CNIH3: variants seen among roughly 807,000 people sequenced by gnomAD.
The protein encoded by CNIH3 is protein cornichon homolog 3.
Under a neutral mutation model 24.1 loss-of-function variants are expected in CNIH3, and 14 were observed. The ratio of observed to expected loss-of-function variants is 0.58; its 90% CI spans 0.38 to 0.91. The LOEUF is 0.91. CNIH3 is among the 40% of genes least tolerant of loss of function. The pLI is 0.00. For missense variants in CNIH3, 178 were observed against 196.8 expected (o/e 0.90, Z 0.57); for synonymous variants, 68 against 73.8 (o/e 0.92, Z 0.40).
chr1:224,517,829 G>A (rs1379590795), intron 1 of CNIH3, among the ~76,000 whole-genome samples: 4 of 152,078 alleles, frequency 2.6e-5, no homozygotes, highest in Non-Finnish European at 5.9e-5. Context: ...TTTTATTTCT[G>A]AGCAAATCTT....
At chr1:224,727,533 T>C (rs1186927448) in intron 3 of CNIH3, among the ~76,000 whole-genome samples, 1 of 152,142 alleles carries the variant, frequency 6.6e-6, no homozygotes, top group Admixed American at 6.6e-5. Context: ...CCACAGCCCA[T>C]CAGCAGCCCC....
chr1:224,543,223 T>G (rs1297555786), intron 2 of CNIH3, among the ~76,000 whole-genome samples: 4 of 152,136 alleles, frequency 2.6e-5, no homozygotes, highest in Non-Finnish European at 4.4e-5. Context: ...TCCTGGTTGG[T>G]GCTGGGAGGG....
At chr1:224,475,133 C>T (rs1476419084) in intron 1 of CNIH3, among the ~76,000 whole-genome samples, 13 of 147,366 alleles carry the variant, frequency 8.8e-5, no homozygotes, top group Non-Finnish European at 1.5e-4. Flanking sequence ...TAGAGGCGGG[C>T]GGATCACGGT....
intron 2 of CNIH3, among the ~76,000 whole-genome samples, chr1:224,530,454 A>T (rs994557587): frequency 6.6e-6 from 1 of 152,168 alleles, no homozygotes; most frequent in African/African-American, 2.4e-5. Context: ...TTTCATGCAC[A>T]GCATTACATT....
chr1:224,547,809 C>T (rs1679760763), intron 3 of CNIH3, among the ~76,000 whole-genome samples: 1 of 151,858 alleles, frequency 6.6e-6, no homozygotes, highest in Admixed American at 6.6e-5. Flanking sequence ...CAGTGGTGTA[C>T]ATCCTGTGAC....
chr1:224,526,548 CTTTA>C (rs1278237832), intron 2 of CNIH3, among the ~76,000 whole-genome samples: 1 of 152,120 alleles, frequency 6.6e-6, no homozygotes, highest in Non-Finnish European at 1.5e-5. Context: ...AGCAGATTCA[CTTTA>C]TTTATTTATT....
At chr1:224,467,627 T>C (rs188569077) in intron 1 of CNIH3, among the ~76,000 whole-genome samples, 1 of 152,214 alleles carries the variant, frequency 6.6e-6, no homozygotes, top group African/African-American at 2.4e-5. Flanking sequence ...TTTCACCATA[T>C]TGGCCAGGCT....
chr1:224,739,344 A>G lies in CNIH3; in HGVS notation c.471A>G (p.Leu157=). 1.0e-6 allele frequency: 1 copy of G among 993,558 alleles called. No individual in the cohort carries two copies. Among genetic ancestry groups the G allele is most frequent in the Non-Finnish European group, 1.4e-6 (1 of 697,758 alleles). The allele number at this position is 993,558 out of a possible 1,614,324, so 61.5% of individuals were successfully genotyped here. A position where few individuals can be genotyped will look rare whatever the true frequency, so the allele number is the denominator to read the frequency against. The change falls in exon 6 of 6, where the codon TTA becomes TTG. Residue 157 remains leucine, a synonymous_variant. Coordinates refer to ENST00000272133, the MANE Select transcript of CNIH3 (RefSeq NM_152495.2). ...TTGCATTCAGCATGATCTACACTTTAGTGAGCTCTTAACGCAAAGACCATG... is the reference window on the plus strand; with the variant it reads ...TTGCATTCAGCATGATCTACACTTTGGTGAGCTCTTAACGCAAAGACCATG... ...FYYLYCMIYT[L]VSS
intron 1 of CNIH3, among the ~76,000 whole-genome samples, chr1:224,664,009 G>A (rs893545888): frequency 2.6e-5 from 4 of 152,192 alleles, no homozygotes; most frequent in African/African-American, 2.4e-5. Flanking sequence ...GCCAATTACC[G>A]AGACAATGAA....
At position 224,564,686 on chromosome 1, in the gene CNIH3, G is replaced by A. The variant is rs116479614; in HGVS notation, n.451-1513G>A. Among the ~76,000 whole-genome samples the A allele has an allele frequency of 6.8e-3, 1,031 of 152,376 alleles. 16 individuals are homozygous for A. The highest frequency in any genetic ancestry group is 0.023 in the African/African-American group (970 of 41,590). On this transcript the variant is annotated intron_variant and non_coding_transcript_variant, in intron 3 of 5. Coordinates refer to the CNIH3 transcript ENST00000471578. ...TTACATGCTTTGGAGGCATGTGTGA[G>A]CCTCAGGCCCTTCCTTCTGAGCAGC...
intron 5 of CNIH3, among the ~76,000 whole-genome samples, chr1:224,587,805 G>A (rs920941615): frequency 2.0e-5 from 3 of 151,544 alleles, no homozygotes; most frequent in African/African-American, 7.3e-5. Context: ...AGCGGGGCAT[G>A]GTGGTGTGTG....
intron 1 of CNIH3, among the ~76,000 whole-genome samples, chr1:224,460,532 G>C (rs1432152860): frequency 6.6e-6 from 1 of 152,104 alleles, no homozygotes; most frequent in Non-Finnish European, 1.5e-5. Flanking sequence ...TTATTTTTTA[G>C]ATTCTTGTGT....
chr1:224,569,511 G>A (rs1680726834), intron 4 of CNIH3, among the ~76,000 whole-genome samples: 1 of 152,116 alleles, frequency 6.6e-6, no homozygotes. Context: ...GTCCCTTTGT[G>A]CACACGTACA....
At chr1:224,593,154 T>C (rs1381943448), downstream of CNIH3, among the ~76,000 whole-genome samples, 3 of 151,520 alleles carry the variant, frequency 2.0e-5, no homozygotes, top group Admixed American at 6.6e-5. Context: ...TTTTTTTTTT[T>C]TTAACTTTTT....
At chr1:224,723,770 G>T (rs1257979079) in intron 3 of CNIH3, among the ~76,000 whole-genome samples, 6 of 152,208 alleles carry the variant, frequency 3.9e-5, no homozygotes, top group Non-Finnish European at 5.9e-5. Flanking sequence ...AGCCATGAGG[G>T]TCCAATTCTG....
rs566440252 is a variant in CNIH3 at position 224,548,807 on chromosome 1, G to A, written n.450+1868G>A. Among the ~76,000 whole-genome samples the A allele has an allele frequency of 2.7e-4, 41 of 151,302 alleles. No homozygotes were observed. The South Asian group carries it at 8.6e-3, about 32-fold the overall frequency. The stretch of plus-strand genomic sequence containing the variant: ...CCCTGGCACATTGTAGCATTTCAAG[G>A]TGACACTACTCATAATATAACAGGG... On this transcript the variant is annotated intron_variant and non_coding_transcript_variant, in intron 3 of 5. Transcript: ENST00000471578.
intron 5 of CNIH3, among the ~76,000 whole-genome samples, 187 bp downstream of exon 5, chr1:224,734,893 C>T (rs1689516549): frequency 6.6e-6 from 1 of 152,164 alleles, no homozygotes; most frequent in African/African-American, 2.4e-5. Flanking sequence ...AGTAAGGGGG[C>T]AGGAGATCCT....
intron 1 of CNIH3, among the ~76,000 whole-genome samples, chr1:224,467,910 CT>C (rs926534501): frequency 3.4e-4 from 49 of 143,768 alleles, no homozygotes; most frequent in East Asian, 1.4e-3. Context: ...GGCCTACAGA[CT>C]TTTTTTTTTT....
rs549023530 is a variant in CNIH3 at position 224,543,264 on chromosome 1, G to A, written n.340-3565G>A. Reference sequence around the variant, plus strand: ...CGTCCTGATTCTATGGGGAAAGAGGGCACAGGAGCTCTATGTGTGGGATCC... The same window carrying A: ...CGTCCTGATTCTATGGGGAAAGAGGACACAGGAGCTCTATGTGTGGGATCC... On this transcript the variant is annotated intron_variant and non_coding_transcript_variant, in intron 2 of 5. Transcript: ENST00000471578. Among the ~76,000 whole-genome samples the A allele has an allele frequency of 3.3e-5, 5 of 152,280 alleles. No homozygotes were observed. The South Asian group carries it at 1.0e-3, about 32-fold the overall frequency.
Sources: gnomAD v4.1 joint callset for allele counts (sites outside exome capture counted in the v4.1 genomes callset) on GRCh38, gnomAD v4.1.1 for gene constraint, MANE v1.5 for transcripts, NCBI Gene and HGNC (gene_info 2026-07-23, HGNC 2026-07-21) for gene names.